The following PCDH9 variants were observed in gnomAD, a reference collection of about 807,000 sequenced individuals.
PCDH9 encodes the protein protocadherin-9.
A neutral mutation model predicts 70.6 loss-of-function variants in PCDH9; 24 were observed. That is an observed-to-expected ratio of 0.34 (90% CI 0.25 to 0.48). The LOEUF is 0.48. PCDH9 is among the 20% of genes least tolerant of loss of function. The pLI is 0.99. For missense variants in PCDH9, 1,281 were observed against 1,503.6 expected, an observed-to-expected ratio of 0.85 and a Z score of 2.45; for synonymous variants, 562 against 558.5, an observed-to-expected ratio of 1.01 and a Z score of -0.09.
intron 3 of PCDH9, among the ~76,000 whole-genome samples, chr13:66,766,740 C>T (rs762843933): frequency 2.0e-5 from 3 of 151,822 alleles, no homozygotes; most frequent in Admixed American, 6.6e-5. Context: ...TTGGAAAGTT[C>T]GGTTATTGGG....
chr13:66,436,746 T>G (rs895896365), intron 4 of PCDH9, among the ~76,000 whole-genome samples: 1 of 152,138 alleles, frequency 6.6e-6, no homozygotes, highest in African/African-American at 2.4e-5. Flanking sequence ...ATTACATCCC[T>G]TTAGATTGTA....
intron 3 of PCDH9, among the ~76,000 whole-genome samples, chr13:66,864,414 C>A (rs1404189543): frequency 1.3e-5 from 2 of 152,112 alleles, no homozygotes; most frequent in Non-Finnish European, 2.9e-5. Context: ...GATGTTTTGA[C>A]ACAAGACCAA....
chr13:66,713,655 T>TATATATATATA lies in PCDH9; in HGVS notation c.3139-82245_3139-82244insTATATATATAT, dbSNP rs1474635736. On this transcript the variant is annotated intron_variant, in intron 3 of 4. Coordinates refer to ENST00000377865, the MANE Select transcript of PCDH9 (RefSeq NM_203487.3). ...TATATATATATATATATATATATAA[T>TATATATATATA]GTACACACACATCCAGTTGACTCTT... 1.1e-3 allele frequency among the ~76,000 whole-genome samples: 72 copies of TATATATATATA among 63,632 alleles called. 2 individuals carry two copies. Among genetic ancestry groups the TATATATATATA allele is most frequent in the African/African-American group, 4.3e-3 (71 of 16,370 alleles). 41.7% of individuals were successfully genotyped at this position (63,632 alleles called of 152,430 possible). A position where few individuals can be genotyped will look rare whatever the true frequency, so the allele number is the denominator to read the frequency against.
chr13:66,590,068 T>C (rs1047021917), intron 4 of PCDH9, among the ~76,000 whole-genome samples: 1 of 152,050 alleles, frequency 6.6e-6, no homozygotes, highest in Non-Finnish European at 1.5e-5. Flanking sequence ...CAGAGTGTTA[T>C]GGATTTTGTG....
At chr13:66,322,455 A>G (rs1477591790) in intron 4 of PCDH9, among the ~76,000 whole-genome samples, 3 of 152,004 alleles carry the variant, frequency 2.0e-5, no homozygotes, top group Non-Finnish European at 4.4e-5. Context: ...ATCTTTAGGG[A>G]CTGGAAAGCA....
At chr13:66,642,564 T>A (rs1328743323) in intron 3 of PCDH9, among the ~76,000 whole-genome samples, 1 of 152,048 alleles carries the variant, frequency 6.6e-6, no homozygotes, top group Non-Finnish European at 1.5e-5. Context: ...GTTTTCAAAT[T>A]TATGGTTTTG....
chr13:66,688,332 A>G lies in PCDH9; in HGVS notation c.3139-56921T>C, dbSNP rs144166711. 2.9e-3 allele frequency among the ~76,000 whole-genome samples: 448 copies of G among 152,202 alleles called. 3 individuals carry two copies. Among genetic ancestry groups the G allele is most frequent in the Non-Finnish European group, 4.6e-3 (315 of 67,976 alleles). On this transcript the variant is annotated intron_variant, in intron 3 of 4. Coordinates refer to ENST00000377865, the MANE Select transcript of PCDH9 (RefSeq NM_203487.3). ...ACAAACTATTTAGAACTTGTGTCCT[A>G]TTTATTTTTTGTTTATGCAGACTGA...
At chr13:67,127,585 A>C (rs925528197) in intron 2 of PCDH9, among the ~76,000 whole-genome samples, 1 of 151,716 alleles carries the variant, frequency 6.6e-6, no homozygotes, top group African/African-American at 2.4e-5. Context: ...TGTTGTGGGG[A>C]AGGGCATTTT....
intron 3 of PCDH9, among the ~76,000 whole-genome samples, chr13:66,717,480 A>AATATATATATATATATATATATAT (rs1169570608): frequency 2.3e-5 from 1 of 44,432 alleles, no homozygotes; most frequent in Non-Finnish European, 3.8e-5. Flanking sequence ...AAAAAAAAAA[A>AATATATATATATATATATATATAT]ATATATATAT....
At chr13:66,909,113 G>A (rs2082413965) in intron 2 of PCDH9, among the ~76,000 whole-genome samples, 1 of 150,728 alleles carries the variant, frequency 6.6e-6, no homozygotes, top group East Asian at 2.0e-4. Context: ...TTAAAACTTT[G>A]AGACATAAAT....
intron 4 of PCDH9, among the ~76,000 whole-genome samples, chr13:66,467,246 A>T (rs535563345): frequency 6.6e-6 from 1 of 152,154 alleles, no homozygotes; most frequent in East Asian, 1.9e-4. Flanking sequence ...AAAACAATTG[A>T]AACAGCCTGA....
At chr13:66,463,809 T>A (rs1958468625) in intron 4 of PCDH9, among the ~76,000 whole-genome samples, 2 of 151,750 alleles carry the variant, frequency 1.3e-5, no homozygotes. Context: ...AACCATCACA[T>A]TTTCCTCAAA....
intron 3 of PCDH9, among the ~76,000 whole-genome samples, chr13:66,658,298 A>G (rs2077960055): frequency 6.6e-6 from 1 of 152,160 alleles, no homozygotes; most frequent in African/African-American, 2.4e-5. Context: ...ATCTCTTTGA[A>G]TTTCCCAAGT....
intron 3 of PCDH9, among the ~76,000 whole-genome samples, chr13:66,648,853 C>T (rs1454139869): frequency 6.6e-6 from 1 of 151,910 alleles, no homozygotes; most frequent in Non-Finnish European, 1.5e-5. Flanking sequence ...AATTCAGAAT[C>T]CTACCAGATA....
chr13:66,566,259 A>C (rs2076651010), intron 4 of PCDH9, among the ~76,000 whole-genome samples: 1 of 152,192 alleles, frequency 6.6e-6, no homozygotes, highest in Non-Finnish European at 1.5e-5. Flanking sequence ...AGAAAGAACT[A>C]ATGTGTTTCA....
At chr13:66,605,524 G>A (rs2077212349) in intron 4 of PCDH9, among the ~76,000 whole-genome samples, 1 of 152,078 alleles carries the variant, frequency 6.6e-6, no homozygotes, top group African/African-American at 2.4e-5. Context: ...TTGAACTGTA[G>A]GCTTAATAAT....
chr13:66,431,133 T>A (rs1425087079), intron 4 of PCDH9, among the ~76,000 whole-genome samples: 1 of 152,078 alleles, frequency 6.6e-6, no homozygotes, highest in Admixed American at 6.6e-5. Flanking sequence ...TTCTATTCAG[T>A]GCAGATCTGT....
rs545673365 is a variant in PCDH9 at position 66,967,891 on chromosome 13, C to T, written c.3037-64286G>A. Among the ~76,000 whole-genome samples, 25 of 152,040 alleles carry T rather than the reference C, an allele frequency of 1.6e-4. No individual in the cohort carries two copies. The East Asian group carries it at 4.4e-3, about 27-fold the overall frequency. On this transcript the variant is annotated intron_variant, in intron 2 of 4. Coordinates refer to ENST00000377865, the MANE Select transcript of PCDH9 (RefSeq NM_203487.3). ...TTGTCTCTGTTTATTATTTTTGAAGCCCTGGTACCTGGCATGTATTCAGTT... is the reference window on the plus strand; with the variant it reads ...TTGTCTCTGTTTATTATTTTTGAAGTCCTGGTACCTGGCATGTATTCAGTT...
chr13:66,788,693 T>C (rs1391532534), intron 3 of PCDH9, among the ~76,000 whole-genome samples: 3 of 142,694 alleles, frequency 2.1e-5, no homozygotes, highest in Non-Finnish European at 4.7e-5. Flanking sequence ...CAAGTCAGTA[T>C]CTTAAAGGCT....
Sources: allele counts gnomAD v4.1 joint callset (sites outside exome capture counted in the v4.1 genomes callset), GRCh38; gene constraint gnomAD v4.1.1; transcripts MANE v1.5; gene names NCBI Gene and HGNC (gene_info 2026-07-23, HGNC 2026-07-21).